Variants in ZMAT4 observed in about 807,000 individuals in gnomAD.
ZMAT4 encodes zinc finger matrin-type 4.
In ZMAT4, 17 loss-of-function variants were observed where a neutral mutation model predicts 28.7. The ratio of observed to expected loss-of-function variants is 0.59; its 90% CI spans 0.41 to 0.89. The LOEUF is 0.89. ZMAT4 is among the 40% of genes least tolerant of loss of function. ZMAT4 has a pLI of 0.00. For missense variants in ZMAT4, 240 were observed against 283.8 expected (o/e 0.85, Z 1.11); for synonymous variants, 117 against 109.2 (o/e 1.07, Z -0.44).
At chr8:40,750,905 C>G (rs1186625471) in intron 3 of ZMAT4, among the ~76,000 whole-genome samples, 1 of 152,190 alleles carries the variant, frequency 6.6e-6, no homozygotes, top group Non-Finnish European at 1.5e-5. Context: ...TCTGTTGCCA[C>G]CAGAATTCTT....
At chr8:40,821,282 T>C (rs1202480752) in intron 2 of ZMAT4, among the ~76,000 whole-genome samples, 2 of 152,156 alleles carry the variant, frequency 1.3e-5, no homozygotes, top group Non-Finnish European at 2.9e-5. Context: ...AAACTGTTTT[T>C]TTACCCCCGT....
At chr8:40,808,786 C>T (rs1196019914) in intron 2 of ZMAT4, among the ~76,000 whole-genome samples, 1 of 151,448 alleles carries the variant, frequency 6.6e-6, no homozygotes, top group African/African-American at 2.4e-5. Context: ...GCCAACTATC[C>T]TGGATGCCAA....
intron 3 of ZMAT4, among the ~76,000 whole-genome samples, chr8:40,763,943 G>A (rs952760059): frequency 7.2e-5 from 11 of 151,978 alleles, no homozygotes; most frequent in Non-Finnish European, 5.9e-5. Context: ...TGCGATTTTG[G>A]TCAGCAGTTA....
intron 5 of ZMAT4, among the ~76,000 whole-genome samples, chr8:40,628,248 G>A (rs1806446162): frequency 6.6e-6 from 1 of 152,310 alleles, no homozygotes; most frequent in East Asian, 1.9e-4. Flanking sequence ...TGATGTCTAG[G>A]CTAAATAAGA....
At chr8:40,739,826 A>G (rs1455496169) in intron 3 of ZMAT4, among the ~76,000 whole-genome samples, 2 of 152,012 alleles carry the variant, frequency 1.3e-5, no homozygotes, top group Non-Finnish European at 2.9e-5. Flanking sequence ...GCCCCGGTGT[A>G]TGATATTCCC....
At chr8:40,889,586 G>C (rs773844786) in intron 1 of ZMAT4, among the ~76,000 whole-genome samples, 3 of 152,124 alleles carry the variant, frequency 2.0e-5, no homozygotes, top group Non-Finnish European at 2.9e-5. Flanking sequence ...TTCTGCTCTA[G>C]TTCTCAGGAC....
intron 3 of ZMAT4, among the ~76,000 whole-genome samples, chr8:40,712,194 G>A (rs182263650): frequency 1.3e-5 from 2 of 152,262 alleles, no homozygotes; most frequent in East Asian, 3.9e-4. Context: ...AATCATAATA[G>A]GATTTCTCTC....
At chr8:40,588,044 G>A (rs1804726065) in intron 5 of ZMAT4, among the ~76,000 whole-genome samples, 1 of 151,920 alleles carries the variant, frequency 6.6e-6, no homozygotes, top group Non-Finnish European at 1.5e-5. Context: ...AAATTCATCA[G>A]GAGAACCTAA....
chr8:40,715,047 C>CAAAAAAAAAAAAAAAAAA (rs10690797), intron 3 of ZMAT4, among the ~76,000 whole-genome samples: 2 of 73,364 alleles, frequency 2.7e-5, no homozygotes, highest in Non-Finnish European at 2.4e-5. Context: ...GACTCTGTCT[C>CAAAAAAAAAAAAAAAAAA]AAAAAAAAAA....
intron 6 of ZMAT4, among the ~76,000 whole-genome samples, chr8:40,564,875 T>C (rs1021776719): frequency 1.2e-4 from 18 of 152,194 alleles, no homozygotes; most frequent in Non-Finnish European, 2.6e-4. Context: ...ATAATCTTAC[T>C]TCAAGGTTAA....
intron 6 of ZMAT4, among the ~76,000 whole-genome samples, chr8:40,561,303 T>C (rs1384036638): frequency 6.6e-6 from 1 of 152,140 alleles, no homozygotes; most frequent in African/African-American, 2.4e-5. Context: ...TCCTGCTGTG[T>C]AGTGTTACTT....
chr8:40,810,990 A>T (rs979257933), intron 2 of ZMAT4, among the ~76,000 whole-genome samples: 3 of 152,210 alleles, frequency 2.0e-5, no homozygotes, highest in Admixed American at 6.5e-5. Flanking sequence ...AATATTGACT[A>T]GATTAGGAAA....
chr8:40,633,496 G>A (rs1806675430), intron 5 of ZMAT4, among the ~76,000 whole-genome samples: 1 of 152,150 alleles, frequency 6.6e-6, no homozygotes, highest in South Asian at 2.1e-4. Flanking sequence ...CAGAAGATGG[G>A]GAGATATTTG....
At chr8:40,622,426 A>G (rs1411350328) in intron 5 of ZMAT4, among the ~76,000 whole-genome samples, 1 of 152,184 alleles carries the variant, frequency 6.6e-6, no homozygotes, top group Non-Finnish European at 1.5e-5. Flanking sequence ...ACACAGAGTT[A>G]CGGAGAAAAA....
intron 5 of ZMAT4, among the ~76,000 whole-genome samples, chr8:40,602,088 C>T (rs1805417468): frequency 6.6e-6 from 1 of 152,194 alleles, no homozygotes; most frequent in Non-Finnish European, 1.5e-5. Flanking sequence ...TAGCCTAGCT[C>T]TCACTTAGGA....
In ZMAT4 at chr8:40,554,347, GAGTTAATTAACTAAGTTAATT is replaced by G. The variant is rs560167837; in HGVS notation, c.675-22130_675-22110del. ...TTAAGACAAACAAAAATTAACTAAA[GAGTTAATTAACTAAGTTAATT>G]AGTTAATTAACTACTAATTGGTTAA... On this transcript the variant is annotated intron_variant, in intron 6 of 6. Coordinates refer to ENST00000297737, the MANE Select transcript of ZMAT4 (RefSeq NM_024645.3). 4.3e-3 allele frequency among the ~76,000 whole-genome samples: 656 copies of G among 151,974 alleles called. 5 individuals are homozygous for G. The highest frequency in any genetic ancestry group is 6.3e-3 in the Non-Finnish European group (426 of 67,950).
intron 3 of ZMAT4, among the ~76,000 whole-genome samples, chr8:40,725,189 G>A (rs1811269898): frequency 1.4e-5 from 2 of 144,730 alleles, no homozygotes; most frequent in Admixed American, 1.3e-4. Context: ...TTCCTGCTAA[G>A]TCATCTGGCA....
chr8:40,556,243 A>G (rs1803530258), intron 6 of ZMAT4, among the ~76,000 whole-genome samples: 1 of 152,030 alleles, frequency 6.6e-6, no homozygotes, highest in Admixed American at 6.6e-5. Flanking sequence ...TCCACCCTTA[A>G]CTTATTGTGT....
intron 3 of ZMAT4, among the ~76,000 whole-genome samples, chr8:40,701,684 T>G (rs900375010): frequency 1.3e-5 from 2 of 151,598 alleles, no homozygotes; most frequent in African/African-American, 2.4e-5. Context: ...GCCTGGCTAA[T>G]TTTTTGTATT....
Sources: allele counts gnomAD v4.1 joint callset (sites outside exome capture counted in the v4.1 genomes callset), GRCh38; gene constraint gnomAD v4.1.1; transcripts MANE v1.5; gene names NCBI Gene and HGNC (gene_info 2026-07-23, HGNC 2026-07-21).